The following C1orf21 variants were observed in gnomAD, a reference collection of about 807,000 sequenced individuals.
C1orf21 encodes uncharacterized protein C1orf21.
A neutral mutation model predicts 18.7 loss-of-function variants in C1orf21; 3 were observed. The ratio of observed to expected loss-of-function variants is 0.16; its 90% CI spans 0.07 to 0.42. The LOEUF is 0.42. C1orf21 is among the 10% of genes least tolerant of loss of function. C1orf21 has a pLI of 0.99. For synonymous variants in C1orf21, 41 were observed against 46.4 expected, an observed-to-expected ratio of 0.88 and a Z score of 0.47; for missense variants, 104 against 143.6, an observed-to-expected ratio of 0.72 and a Z score of 1.41.
chr1:184,577,326 G>C (rs1033291820), intron 3 of C1orf21, among the ~76,000 whole-genome samples: 1 of 151,880 alleles, frequency 6.6e-6, no homozygotes, highest in East Asian at 1.9e-4. Context: ...GCTATGGACC[G>C]AGGCGGGTCG....
At chr1:184,542,846 C>T (rs144421607) in intron 3 of C1orf21, among the ~76,000 whole-genome samples, 1 of 152,232 alleles carries the variant, frequency 6.6e-6, no homozygotes, top group Non-Finnish European at 1.5e-5. Flanking sequence ...CCCTCACTCT[C>T]CTGGCTTTTT....
intron 2 of C1orf21, among the ~76,000 whole-genome samples, chr1:184,505,850 G>A (rs915781515): frequency 2.6e-5 from 4 of 151,988 alleles, no homozygotes; most frequent in African/African-American, 9.7e-5. Flanking sequence ...CTGAAGTTAG[G>A]GAGGCCCATT....
At chr1:184,559,972 G>A (rs571398152) in intron 3 of C1orf21, among the ~76,000 whole-genome samples, 98 of 151,872 alleles carry the variant, frequency 6.5e-4, no homozygotes, top group Middle Eastern at 3.4e-3. Flanking sequence ...GGCTGGTCTC[G>A]GACTCCTGAG....
chr1:184,603,248 A>T (rs1439691965), intron 5 of C1orf21, among the ~76,000 whole-genome samples: 1 of 152,198 alleles, frequency 6.6e-6, no homozygotes, highest in Non-Finnish European at 1.5e-5. Flanking sequence ...TTGTGACTTT[A>T]AAGAGGATTA....
chr1:184,566,455 T>G (rs1024632109), intron 3 of C1orf21: 1 of 239,282 alleles, frequency 4.2e-6, no homozygotes, highest in African/African-American at 2.3e-5. Context: ...GCGCCATATA[T>G]ATGAACTTGT....
At chr1:184,496,260 G>T (rs1322591118) in intron 2 of C1orf21, among the ~76,000 whole-genome samples, 1 of 152,144 alleles carries the variant, frequency 6.6e-6, no homozygotes, top group Admixed American at 6.5e-5. Context: ...GGAGTTCAAG[G>T]CCTAAAACCC....
chr1:184,459,987 A>G (rs1657277067), intron 1 of C1orf21, among the ~76,000 whole-genome samples: 1 of 151,474 alleles, frequency 6.6e-6, no homozygotes, highest in Non-Finnish European at 1.5e-5. Flanking sequence ...GTTTCCCTTC[A>G]CTCCGTTTCT....
chr1:184,494,510 C>A (rs1178324104), intron 2 of C1orf21, among the ~76,000 whole-genome samples: 2 of 151,974 alleles, frequency 1.3e-5, no homozygotes, highest in Non-Finnish European at 2.9e-5. Flanking sequence ...TGTTGGTGGT[C>A]TGGATTAGGG....
chr1:184,548,782 A>G (rs1005256689), intron 3 of C1orf21, among the ~76,000 whole-genome samples: 1 of 152,234 alleles, frequency 6.6e-6, no homozygotes, highest in Non-Finnish European at 1.5e-5. Flanking sequence ...AATGTAGGCA[A>G]CAAGCCAGTA....
intron 5 of C1orf21, among the ~76,000 whole-genome samples, chr1:184,606,579 C>T (rs538284593): frequency 6.6e-6 from 1 of 151,958 alleles, no homozygotes; most frequent in Non-Finnish European, 1.5e-5. Context: ...GACTTTGTCT[C>T]TTAAAAAACA....
chr1:184,571,210 T>C, intron 3 of C1orf21, among the ~76,000 whole-genome samples: 1 of 136,224 alleles, frequency 7.3e-6, no homozygotes, highest in East Asian at 2.2e-4. Context: ...GGCAGGAGAA[T>C]GGCGTGAACC....
At chr1:184,388,387 A>G (rs1655920116) in intron 1 of C1orf21, among the ~76,000 whole-genome samples, 1 of 152,240 alleles carries the variant, frequency 6.6e-6, no homozygotes, top group African/African-American at 2.4e-5. Flanking sequence ...TGTTTTCAAT[A>G]GGAAGTCGGT....
At chr1:184,465,886 G>A (rs970287467) in intron 1 of C1orf21, among the ~76,000 whole-genome samples, 2 of 152,192 alleles carry the variant, frequency 1.3e-5, no homozygotes, top group Non-Finnish European at 2.9e-5. Context: ...TAGATGTGAT[G>A]TGCTGAAGAG....
At position 184,619,544 on chromosome 1, in the gene C1orf21, G is replaced by C; in HGVS notation, c.354G>C (p.Glu118Asp). ...GTCGGGATTACTGTTCGGAAGAAGA[G>C]GATATCACATAGCACCAATTTTACC... ...EKGRDYCSEE[E>D]DIT The change falls in exon 6 of 6, where the codon GAG becomes GAC. Residue 118 changes from glutamate to aspartate, a missense_variant. Transcript: ENST00000235307. 1 of 1,613,624 alleles carries C rather than the reference G, an allele frequency of 6.2e-7. No homozygotes were observed.
intron 4 of C1orf21, 44 bp downstream of exon 4, chr1:184,590,859 A>C (rs761187153): frequency 6.8e-7 from 1 of 1,475,598 alleles, no homozygotes; most frequent in Non-Finnish European, 9.5e-7. Context: ...GGCCTTCCAT[A>C]TCCATGGATT....
At chr1:184,607,336 G>A (rs1659661788) in intron 5 of C1orf21, among the ~76,000 whole-genome samples, 1 of 152,140 alleles carries the variant, frequency 6.6e-6, no homozygotes, top group African/African-American at 2.4e-5. Flanking sequence ...CCCAGGTGTG[G>A]ATCTAGAGTG....
At chr1:184,613,989 A>T (rs1321446063) in intron 5 of C1orf21, among the ~76,000 whole-genome samples, 1 of 152,160 alleles carries the variant, frequency 6.6e-6, no homozygotes, top group African/African-American at 2.4e-5. Context: ...CCTGGGTGGC[A>T]GAGCAAGACT....
intron 1 of C1orf21, among the ~76,000 whole-genome samples, chr1:184,423,280 C>T (rs1162653426): frequency 6.6e-6 from 1 of 152,184 alleles, no homozygotes; most frequent in Non-Finnish European, 1.5e-5. Context: ...GAAGAATGGT[C>T]ACCAAGTAAA....
rs189135757 is a variant in C1orf21, at chr1:184,536,672, A to G, written c.189+28990A>G. ...TCCTTTTCAGTTTTAAAAATAAATA[A>G]TGTGTGCAAGTTCCATGTCTAATTG... On this transcript the variant is annotated intron_variant, in intron 3 of 5. Coordinates refer to ENST00000235307, the MANE Select transcript of C1orf21 (RefSeq NM_030806.4). Among the ~76,000 whole-genome samples, 289 of 152,216 alleles carry G rather than the reference A, an allele frequency of 1.9e-3. 5 individuals carry two copies. Among genetic ancestry groups the G allele is most frequent in the Non-Finnish European group, 1.3e-3 (90 of 68,010 alleles).
Sources: allele counts gnomAD v4.1 joint callset (sites outside exome capture counted in the v4.1 genomes callset), GRCh38; gene constraint gnomAD v4.1.1; transcripts MANE v1.5; gene names NCBI Gene and HGNC (gene_info 2026-07-23, HGNC 2026-07-21).